Variants in DENND2A observed in about 807,000 individuals in gnomAD.
DENND2A encodes the protein DENN domain containing 2A, also known as DENN domain-containing protein 2A.
DENND2A carries 53 observed loss-of-function variants against 105.3 expected under a neutral mutation model. The ratio of observed to expected loss-of-function variants is 0.50; its 90% confidence interval spans 0.40 to 0.63. The LOEUF is 0.63. Ranked by LOEUF, DENND2A falls within the 30% of genes least tolerant of loss-of-function variation. DENND2A has a pLI of 0.00. For synonymous variants in DENND2A, 522 were observed against 508.4 expected (o/e 1.03, Z -0.36); for missense variants, 1,138 against 1,279.6 (o/e 0.89, Z 1.69).
rs1468225081 is a variant in DENND2A, at chr7:140,584,062, T to A, written c.1245+1527A>T. ...TTTGAGACCAGCCTGGCCAACATGG[T>A]GAAACCCCATCTCTACTAAAAGTAC... On this transcript the variant is annotated intron_variant, in intron 5 of 19. Coordinates refer to ENST00000496613, the MANE Select transcript of DENND2A (RefSeq NM_015689.5). Among the ~76,000 whole-genome samples, 9 of 148,200 alleles carry A rather than the reference T, an allele frequency of 6.1e-5. No individual in the cohort carries two copies. The East Asian group carries it at 1.8e-3, about 29-fold the overall frequency.
chr7:140,606,762 A>G (rs181068984), intron 1 of DENND2A, among the ~76,000 whole-genome samples: 35 of 152,244 alleles, frequency 2.3e-4, no homozygotes, highest in African/African-American at 8.2e-4. Context: ...AAACCCCCCA[A>G]ATAGCAAGGC....
chr7:140,594,750 G>A (rs761068397), intron 3 of DENND2A, among the ~76,000 whole-genome samples: 3 of 151,980 alleles, frequency 2.0e-5, no homozygotes, highest in Non-Finnish European at 2.9e-5. Flanking sequence ...ATTTATTTTC[G>A]CTCTGTCGCC....
intron 5 of DENND2A, among the ~76,000 whole-genome samples, chr7:140,576,482 G>T (rs1337875208): frequency 3.3e-5 from 5 of 151,852 alleles, no homozygotes; most frequent in Non-Finnish European, 5.9e-5. Flanking sequence ...ACTTATCCTT[G>T]TTCTATTTAA....
intron 6 of DENND2A, among the ~76,000 whole-genome samples, 167 bp from the exon 7 acceptor site, chr7:140,569,905 T>C (rs1585657333): frequency 6.6e-6 from 1 of 150,986 alleles, no homozygotes. Flanking sequence ...TTTTTTTTTA[T>C]TTTTTTGAGG....
At chr7:140,542,565 C>CTT (rs771623397) in intron 14 of DENND2A, among the ~76,000 whole-genome samples, 199 of 111,948 alleles carry the variant, frequency 1.8e-3, no homozygotes, top group Middle Eastern at 5.0e-3. Flanking sequence ...TTTTCTCTCT[C>CTT]TTTTTTTTTT....
At position 140,522,099 on chromosome 7, in the gene DENND2A, A is replaced by G; in HGVS notation, c.2667T>C (p.Gly889=). 1 of 1,614,056 alleles carries G rather than the reference A, an allele frequency of 6.2e-7. No homozygotes were observed. Among genetic ancestry groups the G allele is most frequent in the Non-Finnish European group, 8.5e-7 (1 of 1,179,966 alleles). The change falls in exon 18 of 20, where the codon GGT becomes GGC. Residue 889 remains glycine, a splice_region_variant and synonymous_variant. Transcript: ENST00000496613. ...CCTCGTTCAAGGGGCTGGACTCTGGACCTGAGTAAGGGGAGGAAAGGCCAG... is the reference window on the plus strand; with the variant it reads ...CCTCGTTCAAGGGGCTGGACTCTGGGCCTGAGTAAGGGGAGGAAAGGCCAG... ...QDEGPLDGRH[G]PESSPLNEVV...
intron 9 of DENND2A, among the ~76,000 whole-genome samples, chr7:140,566,812 T>G (rs1358027681): frequency 6.6e-6 from 1 of 150,766 alleles, no homozygotes; most frequent in South Asian, 2.1e-4. Context: ...TCAGCCTGAG[T>G]AGCTGGGACT....
chr7:140,582,464 A>G (rs1251637685), intron 5 of DENND2A, among the ~76,000 whole-genome samples: 1 of 152,210 alleles, frequency 6.6e-6, no homozygotes, highest in African/African-American at 2.4e-5. Flanking sequence ...CACCAACAAC[A>G]CATTTCCAAG....
At chr7:140,579,398 CTTT>C (rs58295791) in intron 5 of DENND2A, among the ~76,000 whole-genome samples, 5 of 147,536 alleles carry the variant, frequency 3.4e-5, no homozygotes, top group African/African-American at 2.5e-5. Context: ...CAAATCTTTT[CTTT>C]TTTTTTTTTG....
chr7:140,558,050 C>A, intron 11 of DENND2A, 93 bp downstream of exon 11: 1 of 969,920 alleles, frequency 1.0e-6, no homozygotes, highest in South Asian at 1.5e-5. Context: ...CAGGGAATCT[C>A]AGTCTCACGG....
At chr7:140,616,326 T>C (rs1471855283) in intron 1 of DENND2A, among the ~76,000 whole-genome samples, 2 of 152,068 alleles carry the variant, frequency 1.3e-5, no homozygotes, top group Non-Finnish European at 1.5e-5. Flanking sequence ...CACACCACTG[T>C]ACTCCAGCCT....
intron 1 of DENND2A, among the ~76,000 whole-genome samples, chr7:140,636,921 T>C (rs558753729): frequency 1.2e-3 from 184 of 152,166 alleles, no homozygotes; most frequent in African/African-American, 4.2e-3. Context: ...AATGTAGTGA[T>C]GCAATCTTGG....
chr7:140,568,156 G>A (rs1173151838), intron 8 of DENND2A, among the ~76,000 whole-genome samples: 1 of 152,052 alleles, frequency 6.6e-6, no homozygotes, highest in Non-Finnish European at 1.5e-5. Flanking sequence ...TGGCCAGGCT[G>A]GTCTTGAACT....
At chr7:140,615,087 G>A (rs1005353750) in intron 1 of DENND2A, among the ~76,000 whole-genome samples, 62 of 152,044 alleles carry the variant, frequency 4.1e-4, no homozygotes, top group Non-Finnish European at 1.2e-4. Flanking sequence ...GGCTGGTCTC[G>A]AACTCCTGGC....
intron 9 of DENND2A, among the ~76,000 whole-genome samples, chr7:140,565,919 A>G (rs1329180270): frequency 6.6e-6 from 1 of 152,232 alleles, no homozygotes; most frequent in African/African-American, 2.4e-5. Flanking sequence ...ATGACAGTTT[A>G]CAGACGCCAT....
intron 1 of DENND2A, among the ~76,000 whole-genome samples, chr7:140,638,620 C>T (rs1200817084): frequency 6.6e-6 from 1 of 152,184 alleles, no homozygotes; most frequent in East Asian, 1.9e-4. Flanking sequence ...CTGACAGCTC[C>T]CGCCTCACCT....
intron 1 of DENND2A, among the ~76,000 whole-genome samples, chr7:140,639,309 A>G (rs190520583): frequency 7.7e-4 from 117 of 152,026 alleles, no homozygotes; most frequent in African/African-American, 2.6e-3. Context: ...TCGAGATTGC[A>G]CTACCGCACT....
At chr7:140,592,499 C>T (rs1295129680) in intron 3 of DENND2A, among the ~76,000 whole-genome samples, 1 of 152,134 alleles carries the variant, frequency 6.6e-6, no homozygotes, top group Non-Finnish European at 1.5e-5. Flanking sequence ...GTGAGAGCCA[C>T]CACGCCCAGC....
chr7:140,637,926 T>C (rs540114572), intron 1 of DENND2A, among the ~76,000 whole-genome samples: 35 of 152,266 alleles, frequency 2.3e-4, no homozygotes, highest in African/African-American at 8.2e-4. Flanking sequence ...ATTGTCTCCT[T>C]TGTATAGGAT....
Sources: allele counts gnomAD v4.1 joint callset (sites outside exome capture counted in the v4.1 genomes callset), GRCh38; gene constraint gnomAD v4.1.1; transcripts MANE v1.5; gene names NCBI Gene and HGNC (gene_info 2026-07-23, HGNC 2026-07-21).